Variants in ADGRL3 observed in about 807,000 individuals in gnomAD.
ADGRL3 encodes adhesion G protein-coupled receptor L3, also known as calcium-independent alpha-latrotoxin receptor 3.
Under a neutral mutation model 153.5 loss-of-function variants are expected in ADGRL3, and 62 were observed. The observed-to-expected ratio is 0.40, with a 90% CI of 0.33 to 0.50. The LOEUF (loss-of-function observed/expected upper bound fraction) is 0.50. ADGRL3 is among the 20% of genes least tolerant of loss of function. The pLI, the probability that ADGRL3 is intolerant of heterozygous loss-of-function variation, is 0.47. For missense variants in ADGRL3, 1,641 were observed against 1,859.4 expected (o/e 0.88, Z 2.16); for synonymous variants, 710 against 672.5 (o/e 1.06, Z -0.86).
intron 3 of ADGRL3, 104 bp downstream of exon 3, chr4:61,497,452 T>G (rs1180753803): frequency 6.5e-6 from 4 of 610,760 alleles, no homozygotes; most frequent in Non-Finnish European, 1.1e-5. Context: ...TAGTTTTTCC[T>G]TATCATATGT....
intron 8 of ADGRL3, among the ~76,000 whole-genome samples, chr4:61,746,928 T>A (rs1156900768): frequency 6.6e-6 from 1 of 152,056 alleles, no homozygotes; most frequent in Non-Finnish European, 1.5e-5. Context: ...AGCTGGTTTT[T>A]TGAAAGGATC....
At chr4:61,715,990 G>A (rs1167277586) in intron 6 of ADGRL3, among the ~76,000 whole-genome samples, 1 of 146,236 alleles carries the variant, frequency 6.8e-6, no homozygotes, top group East Asian at 2.0e-4. Flanking sequence ...CGACAATACT[G>A]TCAGGAAAAG....
intron 5 of ADGRL3, among the ~76,000 whole-genome samples, chr4:61,642,910 C>T (rs1250271663): frequency 6.6e-6 from 1 of 152,172 alleles, no homozygotes; most frequent in Non-Finnish European, 1.5e-5. Flanking sequence ...TTGATTCTTC[C>T]TACCCATGAG....
intron 12 of ADGRL3, among the ~76,000 whole-genome samples, chr4:61,910,476 ATTTC>A: frequency 6.7e-6 from 1 of 150,016 alleles, no homozygotes; most frequent in South Asian, 2.1e-4. Context: ...TATAAAATAT[ATTTC>A]ATATATTTAT....
chr4:61,787,049 G>A (rs1054832014), intron 8 of ADGRL3, among the ~76,000 whole-genome samples: 2 of 152,072 alleles, frequency 1.3e-5, no homozygotes, highest in African/African-American at 4.8e-5. Flanking sequence ...AAACACATTT[G>A]TTAGACATTT....
intron 1 of ADGRL3, among the ~76,000 whole-genome samples, chr4:61,236,918 G>C (rs969784725): frequency 6.6e-6 from 1 of 151,996 alleles, no homozygotes; most frequent in Non-Finnish European, 1.5e-5. Flanking sequence ...GATAAACAAG[G>C]CTATGAATTT....
intron 5 of ADGRL3, among the ~76,000 whole-genome samples, chr4:61,637,936 G>C (rs1290227069): frequency 6.6e-6 from 1 of 152,138 alleles, no homozygotes; most frequent in Non-Finnish European, 1.5e-5. Context: ...TAATTGCATT[G>C]AATATAAACA....
intron 2 of ADGRL3, among the ~76,000 whole-genome samples, chr4:61,442,237 G>T (rs2097535368): frequency 6.6e-6 from 1 of 152,162 alleles, no homozygotes; most frequent in African/African-American, 2.4e-5. Context: ...TGAACCCTGA[G>T]GCATAAATCG....
intron 2 of ADGRL3, among the ~76,000 whole-genome samples, chr4:61,488,371 T>C (rs1481477324): frequency 6.6e-6 from 1 of 152,036 alleles, no homozygotes; most frequent in Non-Finnish European, 1.5e-5. Flanking sequence ...TTTCAGATGA[T>C]GTGTTGAGAT....
chr4:61,209,138 A>G (rs780737179), intron 1 of ADGRL3, among the ~76,000 whole-genome samples: 87 of 152,298 alleles, frequency 5.7e-4, no homozygotes, highest in Non-Finnish European at 1.1e-3. Context: ...AATTAGTGCT[A>G]TAGCACTTAT....
At chr4:61,659,427 A>T (rs1037351315) in intron 5 of ADGRL3, among the ~76,000 whole-genome samples, 2 of 152,184 alleles carry the variant, frequency 1.3e-5, no homozygotes, top group African/African-American at 4.8e-5. Flanking sequence ...TCTTGAAAGC[A>T]TGTCCCATGT....
intron 9 of ADGRL3, among the ~76,000 whole-genome samples, chr4:61,864,060 G>A (rs2098376677): frequency 6.6e-6 from 1 of 152,248 alleles, no homozygotes; most frequent in Middle Eastern, 3.4e-3. Flanking sequence ...TCAAAATCTT[G>A]AAAATAACCC....
At chr4:61,342,896 G>A (rs539213216) in intron 1 of ADGRL3, among the ~76,000 whole-genome samples, 1 of 152,180 alleles carries the variant, frequency 6.6e-6, no homozygotes, top group East Asian at 1.9e-4. Context: ...AATTGTAAAG[G>A]AAAAAGGTTT....
At chr4:61,835,426 C>T (rs923701303) in intron 9 of ADGRL3, among the ~76,000 whole-genome samples, 1 of 146,978 alleles carries the variant, frequency 6.8e-6, no homozygotes, top group Admixed American at 6.8e-5. Flanking sequence ...AAAACAAGAT[C>T]CAAGAAGAGA....
chr4:61,313,736 A>G (rs572317117), intron 1 of ADGRL3, among the ~76,000 whole-genome samples: 11 of 152,354 alleles, frequency 7.2e-5, no homozygotes, highest in Admixed American at 5.9e-4. Context: ...AATGTAAACT[A>G]TACATACATT....
intron 4 of ADGRL3, among the ~76,000 whole-genome samples, chr4:61,562,154 G>A (rs1161004179): frequency 1.3e-5 from 2 of 152,094 alleles, no homozygotes; most frequent in African/African-American, 4.8e-5. Flanking sequence ...TATTAGGTGT[G>A]CAGTAGCATT....
intron 2 of ADGRL3, among the ~76,000 whole-genome samples, chr4:61,395,088 A>T (rs1276123318): frequency 6.6e-5 from 10 of 152,090 alleles, no homozygotes; most frequent in Non-Finnish European, 1.0e-4. Context: ...GTTTCATTTC[A>T]ATTTAATTTC....
chr4:62,025,414 A>G lies in ADGRL3; in HGVS notation c.3396-3441A>G, dbSNP rs562335789. ...TTTAATATATTCTGTGAACACTACA[A>G]TCCTAAAATGGTCTTGTTTGTCCCC... On this transcript the variant is annotated intron_variant, in intron 21 of 26. Coordinates refer to ENST00000683033, the MANE Select transcript of ADGRL3 (RefSeq NM_001387552.1). 6.8e-4 allele frequency among the ~76,000 whole-genome samples: 103 copies of G among 152,254 alleles called. 1 individual carries two copies. The highest frequency in any genetic ancestry group is 2.4e-3 in the African/African-American group (99 of 41,562).
intron 6 of ADGRL3, among the ~76,000 whole-genome samples, chr4:61,707,776 A>C (rs2095880507): frequency 6.6e-6 from 1 of 152,168 alleles, no homozygotes; most frequent in Non-Finnish European, 1.5e-5. Context: ...GTATCCCAGC[A>C]TGCTTCCACG....
Sources: gnomAD v4.1 joint callset for allele counts (sites outside exome capture counted in the v4.1 genomes callset) on GRCh38, gnomAD v4.1.1 for gene constraint, MANE v1.5 for transcripts, NCBI Gene and HGNC (gene_info 2026-07-23, HGNC 2026-07-21) for gene names.